Variants in PAX5 observed in about 807,000 individuals in gnomAD.
PAX5 encodes the protein paired box protein Pax-5.
Under a neutral mutation model 43.7 loss-of-function variants are expected in PAX5, and 9 were observed. The observed-to-expected ratio is 0.21, with a 90% CI of 0.12 to 0.36. PAX5 has a LOEUF of 0.36. Ranked by LOEUF, PAX5 falls within the 10% of genes least tolerant of loss-of-function variation. The probability of loss-of-function intolerance (pLI) is 1.00; values close to 1 mark genes in which losing one functional copy is unlikely to be tolerated. For missense variants in PAX5, 383 were observed against 532.7 expected (o/e 0.72, Z 2.77); for synonymous variants, 228 against 214.3 (o/e 1.06, Z -0.56).
chr9:36,910,311 A>G (rs1040867994), intron 7 of PAX5, among the ~76,000 whole-genome samples: 4 of 152,138 alleles, frequency 2.6e-5, no homozygotes, highest in African/African-American at 9.7e-5. Flanking sequence ...TGCTGTATAC[A>G]CTATTCTTTA....
chr9:36,924,760 G>A (rs983080164), intron 6 of PAX5, among the ~76,000 whole-genome samples: 1 of 71,206 alleles, frequency 1.4e-5, no homozygotes, highest in Non-Finnish European at 2.9e-5. Flanking sequence ...AGGAAGGAAG[G>A]AAGGAAGGAA....
At chr9:36,850,603 A>G (rs1046302892) in intron 8 of PAX5, among the ~76,000 whole-genome samples, 2 of 152,136 alleles carry the variant, frequency 1.3e-5, no homozygotes, top group African/African-American at 2.4e-5. Flanking sequence ...CACTTTTGGC[A>G]TCTCTCAAAA....
chr9:37,015,720 C>T lies in PAX5; in HGVS notation c.213-526G>A, dbSNP rs555589661. ...TCAGCCTCCCGAGTAGCTGGGATTA[C>T]AGGCATGTGCCACCATGCCCAGCTA... On this transcript the variant is annotated intron_variant, in intron 2 of 9. Coordinates refer to ENST00000358127, the MANE Select transcript of PAX5 (RefSeq NM_016734.3). The surrounding 1 kb of genome is among the most constrained non-coding windows in gnomAD (Gnocchi z 4.4). Among the ~76,000 whole-genome samples the T allele has an allele frequency of 4.8e-3, 726 of 152,248 alleles. 2 individuals are homozygous for T. The highest frequency in any genetic ancestry group is 8.3e-3 in the Non-Finnish European group (564 of 68,038).
chr9:36,997,238 C>T (rs1398354909), intron 5 of PAX5, among the ~76,000 whole-genome samples: 2 of 152,162 alleles, frequency 1.3e-5, no homozygotes, highest in African/African-American at 2.4e-5. Flanking sequence ...TAGTCCAGAG[C>T]CCAGAAGGCT....
intron 6 of PAX5, among the ~76,000 whole-genome samples, chr9:36,923,929 C>G (rs556601982): frequency 2.0e-3 from 308 of 152,300 alleles, no homozygotes; most frequent in Non-Finnish European, 3.8e-3. Flanking sequence ...ATCACAGAAA[C>G]AAGGGTTAAG....
chr9:36,865,074 T>C (rs932417323), intron 8 of PAX5, among the ~76,000 whole-genome samples: 4 of 152,300 alleles, frequency 2.6e-5, no homozygotes, highest in Non-Finnish European at 5.9e-5. Context: ...TTATTACAAA[T>C]GCATAGAAAT....
At chr9:36,943,662 T>C (rs76427301) in intron 6 of PAX5, among the ~76,000 whole-genome samples, 4,529 of 152,152 alleles carry the variant, frequency 0.03, 196 homozygotes, top group African/African-American at 0.1. Context: ...AGAGAATTTT[T>C]GTAATAAAAT....
chr9:37,025,432 CG>C (rs1156728990), intron 1 of PAX5, among the ~76,000 whole-genome samples: 1 of 137,670 alleles, frequency 7.3e-6, no homozygotes, highest in Non-Finnish European at 1.6e-5. Flanking sequence ...TGGGGGGGAG[CG>C]GGGTGGGAGG....
chr9:36,911,516 C>T (rs2131905241), intron 7 of PAX5, among the ~76,000 whole-genome samples: 1 of 152,328 alleles, frequency 6.6e-6, no homozygotes, highest in South Asian at 2.1e-4. Flanking sequence ...GAGGACGGCC[C>T]CGTGGCCGAC....
intron 7 of PAX5, among the ~76,000 whole-genome samples, chr9:36,900,719 C>T (rs1172048513): frequency 6.6e-6 from 1 of 152,142 alleles, no homozygotes; most frequent in Admixed American, 6.5e-5. Flanking sequence ...TCCTCCCCAT[C>T]GTCCTTGTCT....
At chr9:36,848,460 A>G (rs1013566268) in intron 8 of PAX5, among the ~76,000 whole-genome samples, 1 of 151,310 alleles carries the variant, frequency 6.6e-6, no homozygotes, top group African/African-American at 2.4e-5. Flanking sequence ...TCTGTTTTTT[A>G]TGCCTCAGTG....
chr9:36,945,975 T>G (rs1246347255), intron 6 of PAX5, among the ~76,000 whole-genome samples: 1 of 152,230 alleles, frequency 6.6e-6, no homozygotes, highest in Non-Finnish European at 1.5e-5. Flanking sequence ...TAGAAAGTGT[T>G]CAGCTTTGAG....
chr9:36,997,611 G>T (rs1837498658), intron 5 of PAX5, among the ~76,000 whole-genome samples: 1 of 152,186 alleles, frequency 6.6e-6, no homozygotes, highest in South Asian at 2.1e-4. Context: ...TGCTGACTCA[G>T]CCTCCATTCC....
chr9:37,023,723 T>G (rs955774216), intron 1 of PAX5, among the ~76,000 whole-genome samples: 3 of 152,120 alleles, frequency 2.0e-5, no homozygotes, highest in Non-Finnish European at 2.9e-5. Flanking sequence ...GGAAAGGGAC[T>G]TTGCTGACTC....
intron 7 of PAX5, among the ~76,000 whole-genome samples, chr9:36,884,921 C>T (rs930007740): frequency 6.6e-6 from 1 of 152,262 alleles, no homozygotes; most frequent in South Asian, 2.1e-4. Flanking sequence ...GGAGCTGGCA[C>T]ATGGCCGCAT....
At chr9:36,996,070 C>T (rs1189942297) in intron 5 of PAX5, among the ~76,000 whole-genome samples, 6 of 152,232 alleles carry the variant, frequency 3.9e-5, no homozygotes, top group Non-Finnish European at 7.3e-5. Context: ...CAATCGGCTT[C>T]TTCAGTACTA....
At chr9:36,879,933 C>A (rs1826255157) in intron 8 of PAX5, among the ~76,000 whole-genome samples, 1 of 152,194 alleles carries the variant, frequency 6.6e-6, no homozygotes, top group African/African-American at 2.4e-5. Flanking sequence ...TTGCAGCAGA[C>A]CAAAGTTTTG....
intron 7 of PAX5, among the ~76,000 whole-genome samples, chr9:36,896,355 G>A (rs751041815): frequency 1.3e-4 from 20 of 151,752 alleles, no homozygotes; most frequent in Non-Finnish European, 2.1e-4. Flanking sequence ...ATTTTGTAAC[G>A]CCAGCTCCTA....
chr9:36,867,067 G>A (rs553115485), intron 8 of PAX5, among the ~76,000 whole-genome samples: 2 of 129,772 alleles, frequency 1.5e-5, no homozygotes, highest in Non-Finnish European at 1.6e-5. Context: ...TGGTGGGGGG[G>A]GGGCCTTGGT....
Sources: gnomAD v4.1 joint callset for allele counts (sites outside exome capture counted in the v4.1 genomes callset) on GRCh38, gnomAD v4.1.1 for gene constraint, Gnocchi (gnomAD v3.1) non-coding constraint, MANE v1.5 for transcripts, NCBI Gene and HGNC (gene_info 2026-07-23, HGNC 2026-07-21) for gene names.